USP9X: variants seen among roughly 807,000 people sequenced by gnomAD.
USP9X encodes the protein ubiquitin carboxyl-terminal hydrolase 9X.
In USP9X, 7 loss-of-function variants were observed where a neutral mutation model predicts 190.3. That is an observed-to-expected ratio of 0.04 (90% CI 0.02 to 0.07). USP9X has a LOEUF of 0.07. Among genes scored for constraint, USP9X ranks in the 10% least tolerant of loss-of-function variants. The probability of loss-of-function intolerance (pLI) is 1.00; values close to 1 mark genes in which losing one functional copy is unlikely to be tolerated. For synonymous variants in USP9X, 645 were observed against 659.5 expected (o/e 0.98, Z 0.34); for missense variants, 1,010 against 1,916.9 (o/e 0.53, Z 8.83).
intron 11 of USP9X, among the ~76,000 whole-genome samples, chrX:41,146,717 G>A (rs1480461271): frequency 4.1e-5 from 1 of 24,331 alleles, no homozygotes; most frequent in Non-Finnish European, 7.1e-5. Flanking sequence ...TCCCCCCACC[G>A]TGGCATTATT....
chrX:41,201,053 C>T lies in USP9X; in HGVS notation c.4604-7C>T, dbSNP rs755726174. 2 of 1,208,455 alleles carry T rather than the reference C, an allele frequency of 1.7e-6. No homozygotes were observed. The highest frequency in any genetic ancestry group is 2.2e-6 in the Non-Finnish European group (2 of 893,210). On this transcript the variant is annotated splice_polypyrimidine_tract_variant and splice_region_variant and intron_variant, in intron 30 of 44. Coordinates refer to ENST00000378308, the MANE Select transcript of USP9X (RefSeq NM_001039591.3). ...GTTCATGCTACAAGAATCTTTCCTT[C>T]TCTCAGCTTGTGAAGCACTTACTGA...
intron 12 of USP9X, among the ~76,000 whole-genome samples, chrX:41,149,344 C>T (rs1051401142): frequency 9.0e-6 from 1 of 111,579 alleles, no homozygotes; most frequent in Non-Finnish European, 1.9e-5. Context: ...TTTTAAATAT[C>T]TATTAGTATC....
intron 21 of USP9X, among the ~76,000 whole-genome samples, chrX:41,182,875 T>G (rs756628091): frequency 1.8e-5 from 2 of 110,777 alleles, no homozygotes; most frequent in Admixed American, 9.6e-5. Flanking sequence ...ACTGAAAAAT[T>G]TGTAAGATAA....
intron 6 of USP9X, among the ~76,000 whole-genome samples, chrX:41,137,342 G>A (rs967624128): frequency 2.7e-5 from 3 of 111,203 alleles, no homozygotes; most frequent in African/African-American, 9.8e-5. Flanking sequence ...CTGTAGGGCC[G>A]TGATCATTTT....
rs1015666547 is a variant in USP9X, at chrX:41,106,088, C to T, written c.-158-17383C>T. On this transcript the variant is annotated intron_variant, in intron 1 of 44. Coordinates refer to ENST00000378308, the MANE Select transcript of USP9X (RefSeq NM_001039591.3). ...TAATTTGTGGGCTGTGGGTTGTCTT[C>T]TCACTGTTTACAGTGTTCTTCGGAG... Among the ~76,000 whole-genome samples, 8 of 111,809 alleles carry T rather than the reference C, an allele frequency of 7.2e-5. No individual in the cohort carries two copies. In the Admixed American group the frequency reaches 7.6e-4, roughly 11 times the overall value.
chrX:41,095,219 TAAGTG>T (rs1413125408), intron 1 of USP9X, among the ~76,000 whole-genome samples: 1 of 111,522 alleles, frequency 9.0e-6, no homozygotes, highest in Non-Finnish European at 1.9e-5. Context: ...ACAGCTGTAT[TAAGTG>T]GAGGTGTGAA....
rs1028632564 is a variant in USP9X, at chrX:41,167,403, T to C, written c.2329-79T>C. ...CATTGAATAGTGTGTTTAAGATAAC[T>C]GAGGATATGGTTTGAATTTAAATGC... On this transcript the variant is annotated intron_variant, in intron 16 of 44. Coordinates refer to ENST00000378308, the MANE Select transcript of USP9X (RefSeq NM_001039591.3). The C allele has an allele frequency of 1.3e-4, 96 of 756,481 alleles. 2 individuals are homozygous for C. The highest frequency in any genetic ancestry group is 1.6e-4 in the Admixed American group (6 of 36,458). The allele number at this position is 756,481 out of a possible 1,213,427, so 62.3% of individuals were successfully genotyped here. A position where few individuals can be genotyped will look rare whatever the true frequency, so the allele number is the denominator to read the frequency against.
chrX:41,191,768 C>A (rs1024385256), intron 26 of USP9X, among the ~76,000 whole-genome samples: 1 of 111,718 alleles, frequency 9.0e-6, no homozygotes, highest in Non-Finnish European at 1.9e-5. Flanking sequence ...GAAATTGGTG[C>A]CATAAAAGGT....
intron 14 of USP9X, among the ~76,000 whole-genome samples, chrX:41,159,063 C>T (rs1164614816): frequency 9.0e-6 from 1 of 111,315 alleles, no homozygotes; most frequent in Non-Finnish European, 1.9e-5. Flanking sequence ...TTCTATTTAA[C>T]ATTCTGCTTG....
intron 26 of USP9X, among the ~76,000 whole-genome samples, chrX:41,193,560 G>A (rs1236797702): frequency 9.0e-6 from 1 of 111,260 alleles, no homozygotes; most frequent in East Asian, 2.8e-4. Context: ...CTACTCAGGA[G>A]GCTAAAGTGG....
At chrX:41,182,567 A>G (rs1242865401) in intron 21 of USP9X, among the ~76,000 whole-genome samples, 1 of 111,024 alleles carries the variant, frequency 9.0e-6, no homozygotes, top group African/African-American at 3.3e-5. Context: ...GTCTTTGGGC[A>G]TTATGTTCAA....
chrX:41,159,012 C>A (rs2147096156), intron 14 of USP9X, among the ~76,000 whole-genome samples: 1 of 111,597 alleles, frequency 9.0e-6, no homozygotes, highest in East Asian at 2.8e-4. Flanking sequence ...TTGCTTTCCC[C>A]CTAGGAACAA....
At chrX:41,129,479 TCA>T (rs1409896508) in intron 3 of USP9X, among the ~76,000 whole-genome samples, 1 of 112,110 alleles carries the variant, frequency 8.9e-6, no homozygotes, top group African/African-American at 3.2e-5. Flanking sequence ...ATTGAGTTCC[TCA>T]GAGCCTGATC....
chrX:41,154,554 A>G (rs1005626401), intron 14 of USP9X, among the ~76,000 whole-genome samples: 3 of 111,802 alleles, frequency 2.7e-5, no homozygotes, highest in African/African-American at 9.8e-5. Flanking sequence ...TTTTTCTGCT[A>G]CATTTTAGTA....
intron 26 of USP9X, among the ~76,000 whole-genome samples, chrX:41,192,828 G>A (rs1263315230): frequency 2.7e-5 from 3 of 111,398 alleles, no homozygotes; most frequent in Non-Finnish European, 1.9e-5. Context: ...GAAGGCATAC[G>A]AGAAGTATAT....
intron 1 of USP9X, among the ~76,000 whole-genome samples, chrX:41,087,077 AG>A (rs2061919070): frequency 8.9e-6 from 1 of 112,639 alleles, no homozygotes; most frequent in Non-Finnish European, 1.9e-5. Context: ...GAAGTTCCAT[AG>A]TTACAACGTT....
At chrX:41,118,869 T>C (rs1048502918) in intron 1 of USP9X, among the ~76,000 whole-genome samples, 1 of 111,622 alleles carries the variant, frequency 9.0e-6, no homozygotes, top group Non-Finnish European at 1.9e-5. Context: ...ACTCTACCCC[T>C]TTCCTTGGAA....
chrX:41,170,405 A>G (rs1380562928), intron 19 of USP9X, 65 bp from the exon 20 acceptor site: 40 of 1,154,371 alleles, frequency 3.5e-5, no homozygotes, highest in Non-Finnish European at 4.6e-5. Flanking sequence ...GTATATCACT[A>G]AGTTTTGTGT....
chrX:41,194,547 T>A (rs112152570), intron 26 of USP9X, among the ~76,000 whole-genome samples: 14,672 of 110,141 alleles, frequency 0.13, 896 homozygotes, highest in East Asian at 0.22. Context: ...AGAGCGAAAC[T>A]CTGTGTCAAT....
Sources: allele counts gnomAD v4.1 joint callset (sites outside exome capture counted in the v4.1 genomes callset), GRCh38; gene constraint gnomAD v4.1.1; transcripts MANE v1.5; gene names NCBI Gene and HGNC (gene_info 2026-07-23, HGNC 2026-07-21).